The following QTGAL variants were observed in gnomAD, a reference collection of about 807,000 sequenced individuals.
QTGAL encodes the protein BGnT-like protein 1.
chr17:82,991,568 A>G, the QTGAL span, among the ~76,000 whole-genome samples: 1 of 152,334 alleles, frequency 6.6e-6, no homozygotes, highest in South Asian at 2.1e-4. Context: ...GACTACCTGG[A>G]AAGCCTTTCC....
the QTGAL span, among the ~76,000 whole-genome samples, chr17:82,952,420 T>C: frequency 2.0e-5 from 3 of 152,086 alleles, no homozygotes; most frequent in Admixed American, 6.6e-5. Context: ...TCCTAGTCTC[T>C]GATAAAACAG....
At chr17:82,998,341 CTTTG>C in the QTGAL span, among the ~76,000 whole-genome samples, 1 of 152,036 alleles carries the variant, frequency 6.6e-6, no homozygotes, top group Non-Finnish European at 1.5e-5. Flanking sequence ...AAAATTACAA[CTTTG>C]TTTGTTTTGT....
chr17:83,050,582 CAAAA>C, the QTGAL span, among the ~76,000 whole-genome samples: 1 of 152,000 alleles, frequency 6.6e-6, no homozygotes, highest in Non-Finnish European at 1.5e-5. Context: ...AAAAAACAAA[CAAAA>C]AAACAAAAAA....
At chr17:83,007,774 G>C in the QTGAL span, among the ~76,000 whole-genome samples, 1 of 152,218 alleles carries the variant, frequency 6.6e-6, no homozygotes, top group African/African-American at 2.4e-5. Context: ...AGGACGGGGT[G>C]GGGGAATCCT....
the QTGAL span, among the ~76,000 whole-genome samples, chr17:83,046,071 G>T: frequency 2.6e-5 from 4 of 152,054 alleles, no homozygotes; most frequent in African/African-American, 9.7e-5. Flanking sequence ...TGATCCACCC[G>T]CCTTGGCCTC....
the QTGAL span, among the ~76,000 whole-genome samples, chr17:83,027,699 CAAAAAAAAAAAA>C: frequency 2.9e-4 from 9 of 31,520 alleles, no homozygotes; most frequent in Admixed American, 4.6e-4. Context: ...GAGACGCTCT[CAAAAAAAAAAAA>C]AAAAAAAAAA....
At chr17:83,009,280 C>A in the QTGAL span, among the ~76,000 whole-genome samples, 1 of 151,926 alleles carries the variant, frequency 6.6e-6, no homozygotes, top group Non-Finnish European at 1.5e-5. Context: ...AAAAATTAGC[C>A]GGGCGTGGTG....
chr17:82,950,151 T>C, the QTGAL span, among the ~76,000 whole-genome samples: 3 of 152,166 alleles, frequency 2.0e-5, no homozygotes, highest in South Asian at 2.1e-4. Flanking sequence ...CAGCTGCCCC[T>C]GGAAGAACAA....
the QTGAL span, among the ~76,000 whole-genome samples, chr17:83,024,333 C>T: frequency 1.3e-5 from 2 of 152,212 alleles, no homozygotes; most frequent in African/African-American, 4.8e-5. Flanking sequence ...CGACTCCCTC[C>T]TAGAGGTGCT....
At chr17:82,956,719 T>C in the QTGAL span, 1 of 1,587,928 alleles carries the variant, frequency 6.3e-7, no homozygotes, top group Non-Finnish European at 8.6e-7. The surrounding 1 kb of genome is among the most constrained non-coding windows in gnomAD (Gnocchi z 5.7). Context: ...TGACGAAGGG[T>C]GGCCGGGCGG....
the QTGAL span, chr17:82,942,405 G>A: frequency 6.2e-7 from 1 of 1,613,892 alleles, no homozygotes; most frequent in Non-Finnish European, 8.5e-7. Context: ...GGAATGGTGT[G>A]TGTTGGAGCT....
the QTGAL span, among the ~76,000 whole-genome samples, chr17:83,041,868 A>G: frequency 3.9e-5 from 6 of 152,246 alleles, no homozygotes; most frequent in Admixed American, 2.6e-4. Context: ...CAGCAAAGTC[A>G]TCTTTCAAAA....
the QTGAL span, among the ~76,000 whole-genome samples, chr17:82,971,328 C>A: frequency 6.6e-6 from 1 of 152,214 alleles, no homozygotes; most frequent in Non-Finnish European, 1.5e-5. Flanking sequence ...AGCAGGGACA[C>A]GGGCTCCGCC....
the QTGAL span, among the ~76,000 whole-genome samples, chr17:83,003,141 G>A: frequency 8.6e-5 from 2 of 23,390 alleles, no homozygotes; most frequent in African/African-American, 4.1e-4. Flanking sequence ...TCCTGAGCTC[G>A]CCCTCCCACT....
chr17:83,029,843 C>A, the QTGAL span, among the ~76,000 whole-genome samples: 1 of 152,232 alleles, frequency 6.6e-6, no homozygotes, highest in Non-Finnish European at 1.5e-5. Context: ...ACCTTTAAAA[C>A]CCCCGGCAAG....
the QTGAL span, among the ~76,000 whole-genome samples, chr17:82,998,440 G>A: frequency 2.6e-5 from 4 of 152,132 alleles, no homozygotes; most frequent in Admixed American, 6.6e-5. Flanking sequence ...CTGCCTCCCG[G>A]GTTCATGCCA....
At chr17:83,029,018 A>G in the QTGAL span, among the ~76,000 whole-genome samples, 6 of 152,200 alleles carry the variant, frequency 3.9e-5, no homozygotes, top group African/African-American at 1.2e-4. Flanking sequence ...GAAATTCAAG[A>G]GCTGGCAACA....
chr17:82,970,514 TCCTCCCCACCCAGCGTGGCCGCGA>T, the QTGAL span, among the ~76,000 whole-genome samples: 3 of 56,658 alleles, frequency 5.3e-5, no homozygotes, highest in Non-Finnish European at 7.8e-5. Flanking sequence ...CAAACACAGG[TCCTCCCCACCCAGCGTGGCCGCGA>T]CCTCCGCACC....
At chr17:82,955,717 C>T in the QTGAL span, among the ~76,000 whole-genome samples, 5,027 of 152,178 alleles carry the variant, frequency 0.033, 308 homozygotes, top group African/African-American at 0.11. Context: ...ACTGCAGCAC[C>T]ATTCACAATA....
Sources: allele counts gnomAD v4.1 joint callset (sites outside exome capture counted in the v4.1 genomes callset), GRCh38; gene constraint gnomAD v4.1.1; non-coding constraint Gnocchi (gnomAD v3.1); transcripts MANE v1.5; gene names NCBI Gene and HGNC (gene_info 2026-07-23, HGNC 2026-07-21).